Variants in C16orf74 observed in about 807,000 individuals in gnomAD.
C16orf74 encodes uncharacterized protein C16orf74.
In C16orf74, 10 loss-of-function variants were observed where a neutral mutation model predicts 6.5. That is an observed-to-expected ratio of 1.54 (90% CI 0.95 to 2.61). The LOEUF (loss-of-function observed/expected upper bound fraction) is 2.61. Among genes scored for constraint, C16orf74 ranks in the 30% most tolerant of loss-of-function variants. The pLI, the probability that C16orf74 is intolerant of heterozygous loss-of-function variation, is 0.00. For missense variants in C16orf74, 141 were observed against 105.9 expected (o/e 1.33, Z -1.45); for synonymous variants, 60 against 42.5 (o/e 1.41, Z -1.60).
chr16:85,726,650 C>T (rs1282706629), intron 2 of C16orf74, among the ~76,000 whole-genome samples: 1 of 152,178 alleles, frequency 6.6e-6, no homozygotes, highest in African/African-American at 2.4e-5. Context: ...ACCATGTGAT[C>T]TCCCTTCAAA....
chr16:85,745,757 G>C (rs573137137), intron 1 of C16orf74, among the ~76,000 whole-genome samples: 10 of 151,018 alleles, frequency 6.6e-5, no homozygotes, highest in Admixed American at 2.0e-4. Flanking sequence ...CTGCCTACCA[G>C]AGACAGAATC....
At chr16:85,732,601 G>C (rs549295686) in intron 2 of C16orf74, among the ~76,000 whole-genome samples, 2 of 147,442 alleles carry the variant, frequency 1.4e-5, no homozygotes, top group Admixed American at 1.4e-4. Flanking sequence ...GGGAGGCGGG[G>C]GTTGCAGTGA....
At chr16:85,712,946 C>T (rs975328975) in intron 2 of C16orf74, among the ~76,000 whole-genome samples, 1 of 152,222 alleles carries the variant, frequency 6.6e-6, no homozygotes, top group Non-Finnish European at 1.5e-5. Flanking sequence ...CAGCCTGCAG[C>T]CTGAGCTCCA....
At chr16:85,711,342 T>A (rs899639019) in intron 2 of C16orf74, among the ~76,000 whole-genome samples, 3 of 136,104 alleles carry the variant, frequency 2.2e-5, no homozygotes, top group Non-Finnish European at 4.7e-5. Context: ...AGGCTGGGCG[T>A]GGTGGCTCAT....
chr16:85,720,126 G>A (rs1016330540), intron 2 of C16orf74, among the ~76,000 whole-genome samples: 1 of 151,966 alleles, frequency 6.6e-6, no homozygotes. Context: ...GCTCTTGGCG[G>A]TTTTACCTTT....
At chr16:85,714,895 G>A (rs1050032637) in intron 2 of C16orf74, among the ~76,000 whole-genome samples, 1 of 151,430 alleles carries the variant, frequency 6.6e-6, no homozygotes, top group Non-Finnish European at 1.5e-5. Context: ...GGTGGCTCAC[G>A]CCTGTAATCC....
chr16:85,726,700 G>C (rs16975877), intron 2 of C16orf74, among the ~76,000 whole-genome samples: 1 of 152,140 alleles, frequency 6.6e-6, no homozygotes, highest in African/African-American at 2.4e-5. Context: ...CTGCTGAAAT[G>C]TATTAGTGGA....
chr16:85,730,877 A>G (rs1224391320), intron 2 of C16orf74, among the ~76,000 whole-genome samples: 2 of 141,170 alleles, frequency 1.4e-5, no homozygotes, highest in Non-Finnish European at 3.0e-5. Context: ...TAAATCCCCT[A>G]GACAACTGAA....
chr16:85,708,438 C>T (rs774722781), intron 3 of C16orf74, among the ~76,000 whole-genome samples: 2 of 152,148 alleles, frequency 1.3e-5, no homozygotes, highest in Non-Finnish European at 2.9e-5. Context: ...TAAGGACCTG[C>T]GCCTCTGTCC....
In C16orf74 at chr16:85,735,180, C is replaced by T; in HGVS notation, c.28+10G>A. The T allele has an allele frequency of 1.2e-6, 2 of 1,604,306 alleles. No individual in the cohort carries two copies. The highest frequency in any genetic ancestry group is 1.1e-5 in the South Asian group (1 of 89,692). ...ATGAGAGCTGGTGGGGGCAGAGCTT[C>T]AGGCCTTACCTTTCAGGCAGGACAT... On this transcript the variant is annotated intron_variant, in intron 2 of 3. Coordinates refer to ENST00000284245, the MANE Select transcript of C16orf74 (RefSeq NM_206967.3).
intron 2 of C16orf74, among the ~76,000 whole-genome samples, chr16:85,731,839 T>C (rs1326991898): frequency 1.3e-5 from 2 of 152,058 alleles, no homozygotes; most frequent in East Asian, 1.9e-4. Flanking sequence ...AGGCATGAAA[T>C]GCCACCATTC....
At chr16:85,734,131 A>G (rs1290084646) in intron 2 of C16orf74, among the ~76,000 whole-genome samples, 5 of 152,104 alleles carry the variant, frequency 3.3e-5, no homozygotes. Context: ...TGTAGCTTGC[A>G]TCTAAAAGCC....
chr16:85,710,227 C>T lies in C16orf74; in HGVS notation c.109G>A (p.Asp37Asn), dbSNP rs377716191. Residue 37 changes from aspartate (D) to asparagine (N), a missense_variant, in exon 3 of 4, where the codon GAC (aspartate) becomes AAC (asparagine). By Grantham distance (23) the Asp-to-Asn change is conservative. Coordinates refer to ENST00000284245, the MANE Select transcript of C16orf74 (RefSeq NM_206967.3). Reference sequence around the variant, plus strand: ...GGGGTGGGGGGCGTGATGATGATGTCGGGCACGTCCAGGTGCTTGTCGTTC... The same window carrying T: ...GGGGTGGGGGGCGTGATGATGATGTTGGGCACGTCCAGGTGCTTGTCGTTC... Reference protein sequence around the residue: ...VLNDKHLDVPDIIITPPTPTG... With the variant: ...VLNDKHLDVPNIIITPPTPTG... 29 of 1,501,792 alleles carry T rather than the reference C, an allele frequency of 1.9e-5. No homozygotes were observed. Among genetic ancestry groups the T allele is most frequent in the African/African-American group, 2.9e-5 (2 of 68,060 alleles). The allele number at this position is 1,501,792 out of a possible 1,614,324, so 93.0% of individuals were successfully genotyped here.
chr16:85,738,506 T>C (rs1363349297), intron 1 of C16orf74, among the ~76,000 whole-genome samples: 2 of 148,132 alleles, frequency 1.4e-5, no homozygotes, highest in Non-Finnish European at 3.0e-5. Flanking sequence ...TTTTTTTTCA[T>C]TTTTAGTAGA....
intron 2 of C16orf74, among the ~76,000 whole-genome samples, chr16:85,730,830 C>A (rs1406950011): frequency 1.5e-5 from 2 of 136,616 alleles, no homozygotes; most frequent in Non-Finnish European, 3.1e-5. Context: ...AGACAACCCC[C>A]CAAGACCAGA....
intron 2 of C16orf74, among the ~76,000 whole-genome samples, chr16:85,721,233 C>T (rs1262792994): frequency 2.6e-5 from 4 of 152,106 alleles, no homozygotes; most frequent in East Asian, 3.9e-4. Flanking sequence ...AAAAAAGCCA[C>T]GTACTTGGCA....
intron 2 of C16orf74, among the ~76,000 whole-genome samples, chr16:85,730,171 G>A (rs914202865): frequency 2.0e-5 from 3 of 152,146 alleles, no homozygotes; most frequent in East Asian, 1.9e-4. Context: ...GATGAAGCCC[G>A]CAGGGAAGAA....
chr16:85,726,207 G>T (rs543396988), intron 2 of C16orf74, among the ~76,000 whole-genome samples: 1 of 152,230 alleles, frequency 6.6e-6, no homozygotes, highest in African/African-American at 2.4e-5. Context: ...TGCTGGGTGT[G>T]TGTTTGTTCA....
At chr16:85,733,499 G>A (rs1054801573) in intron 2 of C16orf74, among the ~76,000 whole-genome samples, 13 of 152,314 alleles carry the variant, frequency 8.5e-5, no homozygotes, top group Admixed American at 7.2e-4. Context: ...CACTGTGAAC[G>A]TGCTTAATGC....
Sources: gnomAD v4.1 joint callset for allele counts (sites outside exome capture counted in the v4.1 genomes callset) on GRCh38, gnomAD v4.1.1 for gene constraint, MANE v1.5 for transcripts, NCBI Gene and HGNC (gene_info 2026-07-23, HGNC 2026-07-21) for gene names.